TMTC2: variants seen among roughly 807,000 people sequenced by gnomAD.
TMTC2 encodes transmembrane O-mannosyltransferase targeting cadherins 2, also known as protein O-mannosyl-transferase TMTC2.
TMTC2 carries 43 observed loss-of-function variants against 82.4 expected under a neutral mutation model. That is an observed-to-expected ratio of 0.52 (90% CI 0.41 to 0.67). The LOEUF (loss-of-function observed/expected upper bound fraction) is 0.67, where lower values mean the gene tolerates loss of function less well. TMTC2 is among the 30% of genes least tolerant of loss of function. TMTC2 has a pLI of 0.00. For synonymous variants in TMTC2, 408 were observed against 381.9 expected (o/e 1.07, Z -0.80); for missense variants, 919 against 1,012.4 (o/e 0.91, Z 1.25).
chr12:82,770,464 G>T (rs1405901416), intron 1 of TMTC2, among the ~76,000 whole-genome samples: 3 of 151,992 alleles, frequency 2.0e-5, no homozygotes, highest in Non-Finnish European at 2.9e-5. Context: ...TTCTTAGATA[G>T]AATTTAGTAT....
chr12:83,102,229 G>A (rs1192229555), intron 11 of TMTC2, among the ~76,000 whole-genome samples: 1 of 152,326 alleles, frequency 6.6e-6, no homozygotes, highest in Middle Eastern at 3.4e-3. Flanking sequence ...GTGAATATCA[G>A]TACTGGCAGC....
At position 82,944,300 on chromosome 12, in the gene TMTC2, C is replaced by T. The variant is rs118102734; in HGVS notation, c.1598+13755C>T. Among the ~76,000 whole-genome samples the T allele has an allele frequency of 3.2e-3, 489 of 151,832 alleles. 1 individual carries two copies. The highest frequency in any genetic ancestry group is 0.01 in the Middle Eastern group (3 of 292). On this transcript the variant is annotated intron_variant, in intron 4 of 11. Coordinates refer to ENST00000321196, the MANE Select transcript of TMTC2 (RefSeq NM_152588.3). ...AGGAGATCGATAGAAAAAATAGAACCCTGGCTGGGCATGGTGGCTCACACC... is the reference window on the plus strand; with the variant it reads ...AGGAGATCGATAGAAAAAATAGAACTCTGGCTGGGCATGGTGGCTCACACC...
At chr12:83,034,397 C>T (rs932949796) in intron 9 of TMTC2, among the ~76,000 whole-genome samples, 2 of 152,070 alleles carry the variant, frequency 1.3e-5, no homozygotes, top group Non-Finnish European at 2.9e-5. Context: ...TGGATCCCAT[C>T]GAACTAGGTA....
chr12:82,708,486 A>G (rs934219153), intron 1 of TMTC2, among the ~76,000 whole-genome samples: 1 of 152,204 alleles, frequency 6.6e-6, no homozygotes, highest in African/African-American at 2.4e-5. Flanking sequence ...AAGTGACTAG[A>G]TGGCATGGAC....
intron 1 of TMTC2, among the ~76,000 whole-genome samples, chr12:82,770,096 G>A (rs1383043707): frequency 6.6e-6 from 1 of 152,136 alleles, no homozygotes; most frequent in Non-Finnish European, 1.5e-5. Context: ...TAGAATTTAA[G>A]TGTCCTTGAG....
At chr12:83,128,829 C>A (rs1386897801) in intron 11 of TMTC2, among the ~76,000 whole-genome samples, 1 of 152,102 alleles carries the variant, frequency 6.6e-6, no homozygotes, top group Non-Finnish European at 1.5e-5. Flanking sequence ...AGAGGGGAGA[C>A]ATGACAGGCT....
intron 1 of TMTC2, among the ~76,000 whole-genome samples, chr12:82,745,303 T>C (rs941656714): frequency 2.0e-5 from 3 of 152,180 alleles, no homozygotes; most frequent in Non-Finnish European, 4.4e-5. Flanking sequence ...AGAAAACCTT[T>C]TGTAGTGTCT....
intron 11 of TMTC2, among the ~76,000 whole-genome samples, chr12:83,081,650 A>G (rs141987425): frequency 0.014 from 2,172 of 152,310 alleles, 47 homozygotes; most frequent in African/African-American, 0.048. Context: ...GTTTAAATAC[A>G]CAGGAATCTA....
At chr12:82,974,662 T>C (rs1293485778) in intron 7 of TMTC2, among the ~76,000 whole-genome samples, 2 of 152,210 alleles carry the variant, frequency 1.3e-5, no homozygotes, top group African/African-American at 2.4e-5. Flanking sequence ...ATAATGAATT[T>C]ATTTAATGAA....
chr12:82,845,225 TCAAAA>T (rs1246359635), intron 1 of TMTC2, among the ~76,000 whole-genome samples: 2 of 12,414 alleles, frequency 1.6e-4, no homozygotes, highest in African/African-American at 7.2e-4. Context: ...CGTGACTGTC[TCAAAA>T]AAAAAAAAAA....
chr12:83,065,712 T>A (rs1882895231), intron 11 of TMTC2, among the ~76,000 whole-genome samples: 1 of 151,896 alleles, frequency 6.6e-6, no homozygotes. Context: ...CTGTCTTCTC[T>A]CTCACTAATG....
chr12:82,775,518 A>G (rs10082955), intron 1 of TMTC2, among the ~76,000 whole-genome samples: 34,653 of 151,934 alleles, frequency 0.23, 4,666 homozygotes, highest in African/African-American at 0.36. Context: ...AGTGACGTGT[A>G]TAGAGAGGAA....
intron 1 of TMTC2, among the ~76,000 whole-genome samples, chr12:82,712,102 C>G (rs1187127972): frequency 6.6e-6 from 1 of 152,118 alleles, no homozygotes; most frequent in Non-Finnish European, 1.5e-5. Flanking sequence ...CCTCCTTCAC[C>G]TTTCATCTGT....
chr12:83,015,734 G>A (rs1433087421), intron 8 of TMTC2, among the ~76,000 whole-genome samples: 18 of 152,302 alleles, frequency 1.2e-4, no homozygotes. Context: ...GAAAGAAAGA[G>A]AATTTCATTT....
intron 11 of TMTC2, among the ~76,000 whole-genome samples, chr12:83,117,908 A>G (rs1272068304): frequency 6.9e-6 from 1 of 145,746 alleles, no homozygotes; most frequent in Non-Finnish European, 1.5e-5. Context: ...TTATTTATTT[A>G]TTTATTTATT....
intron 2 of TMTC2, among the ~76,000 whole-genome samples, chr12:82,868,942 G>A (rs1592588707): frequency 6.6e-6 from 1 of 152,170 alleles, no homozygotes; most frequent in South Asian, 2.1e-4. Flanking sequence ...TTTTCTGGCT[G>A]CCAAAAATAT....
intron 2 of TMTC2, among the ~76,000 whole-genome samples, chr12:82,893,369 CAAA>C (rs71443447): frequency 1.1e-4 from 13 of 122,654 alleles, no homozygotes; most frequent in Admixed American, 8.3e-5. Context: ...GACTCTATCT[CAAA>C]AAAAAAAAAA....
intron 7 of TMTC2, among the ~76,000 whole-genome samples, chr12:82,984,660 C>T (rs1230640441): frequency 1.3e-5 from 2 of 152,138 alleles, no homozygotes; most frequent in East Asian, 3.8e-4. Flanking sequence ...TGCTTGGTCT[C>T]AGAAACTGAA....
intron 9 of TMTC2, among the ~76,000 whole-genome samples, chr12:83,035,668 G>A (rs1489245502): frequency 6.6e-6 from 1 of 152,100 alleles, no homozygotes; most frequent in Admixed American, 6.6e-5. Context: ...ATTGAATTCA[G>A]TTTATAAATC....
Sources: gnomAD v4.1 joint callset for allele counts (sites outside exome capture counted in the v4.1 genomes callset) on GRCh38, gnomAD v4.1.1 for gene constraint, MANE v1.5 for transcripts, NCBI Gene and HGNC (gene_info 2026-07-23, HGNC 2026-07-21) for gene names.